GALNT17: variants seen among roughly 807,000 people sequenced by gnomAD.
GALNT17 encodes the protein UDP-GalNAc:polypeptide N-acetylgalactosaminyltransferase-like 3.
Under a neutral mutation model 63.7 loss-of-function variants are expected in GALNT17, and 29 were observed. The observed-to-expected ratio is 0.46, with a 90% CI of 0.34 to 0.62. The LOEUF (loss-of-function observed/expected upper bound fraction) is 0.62, where lower values mean the gene tolerates loss of function less well. Among genes scored for constraint, GALNT17 ranks in the 20% least tolerant of loss-of-function variants. The pLI is 0.01. For synonymous variants in GALNT17, 305 were observed against 318.3 expected (o/e 0.96, Z 0.45); for missense variants, 603 against 799.6 (o/e 0.75, Z 2.97).
chr7:71,388,866 T>C lies in GALNT17; in HGVS notation c.589+465T>C, dbSNP rs184932973. On this transcript the variant is annotated intron_variant, in intron 3 of 10. Transcript: ENST00000333538. ...AGGAAGATATCTAGGCTTACCCTAGTCTATTATTCCTTGAGTCCTCTAGAG... is the reference window on the plus strand; with the variant it reads ...AGGAAGATATCTAGGCTTACCCTAGCCTATTATTCCTTGAGTCCTCTAGAG... Among the ~76,000 whole-genome samples the C allele has an allele frequency of 3.0e-4, 46 of 152,142 alleles. 4 individuals carry two copies. Among genetic ancestry groups the C allele is most frequent in the East Asian group, 2.9e-3 (15 of 5,152 alleles).
At chr7:71,255,200 C>T (rs983683293) in intron 1 of GALNT17, among the ~76,000 whole-genome samples, 4 of 152,206 alleles carry the variant, frequency 2.6e-5, no homozygotes, top group Non-Finnish European at 4.4e-5. Context: ...CCCACAATTC[C>T]CACATGTCTT....
chr7:71,680,854 T>C, intron 9 of GALNT17, among the ~76,000 whole-genome samples: 1 of 148,742 alleles, frequency 6.7e-6, no homozygotes, highest in African/African-American at 2.5e-5. Flanking sequence ...TCCTTTCCTT[T>C]TTTCTTTCCT....
At chr7:71,650,868 G>A (rs1451205421) in intron 6 of GALNT17, among the ~76,000 whole-genome samples, 1 of 152,104 alleles carries the variant, frequency 6.6e-6, no homozygotes, top group African/African-American at 2.4e-5. Context: ...TAAGCTCTGA[G>A]GAAAGAATAA....
intron 9 of GALNT17, among the ~76,000 whole-genome samples, chr7:71,688,075 A>G (rs1219771756): frequency 6.6e-6 from 1 of 152,212 alleles, no homozygotes; most frequent in Non-Finnish European, 1.5e-5. Flanking sequence ...GGAAATGCTG[A>G]TGGTGTTCTA....
At chr7:71,302,852 A>G (rs75623016) in intron 1 of GALNT17, among the ~76,000 whole-genome samples, 2,179 of 152,240 alleles carry the variant, frequency 0.014, 25 homozygotes, top group Middle Eastern at 0.027. Flanking sequence ...GGATTAGGCG[A>G]GTCATATATG....
chr7:71,580,372 TAGA>T (rs1313477437), intron 6 of GALNT17, among the ~76,000 whole-genome samples: 3 of 150,138 alleles, frequency 2.0e-5, no homozygotes, highest in Admixed American at 1.3e-4. Context: ...GATATATAAA[TAGA>T]TGATAGATAA....
intron 3 of GALNT17, among the ~76,000 whole-genome samples, chr7:71,412,208 G>A (rs1793441386): frequency 6.6e-6 from 1 of 152,182 alleles, no homozygotes; most frequent in African/African-American, 2.4e-5. Flanking sequence ...GGGAGGCTGA[G>A]GCAGGAGGAT....
At chr7:71,339,216 GA>G (rs1791965230) in intron 2 of GALNT17, among the ~76,000 whole-genome samples, 1 of 152,218 alleles carries the variant, frequency 6.6e-6, no homozygotes, top group Admixed American at 6.5e-5. Flanking sequence ...TAGACACTTG[GA>G]TGAAGCACAG....
At chr7:71,711,534 T>C (rs952880639) in intron 10 of GALNT17, among the ~76,000 whole-genome samples, 10 of 151,188 alleles carry the variant, frequency 6.6e-5, no homozygotes, top group Non-Finnish European at 8.9e-5. Context: ...TCTCCCTCTC[T>C]CCCTCTGTCT....
chr7:71,653,085 G>A (rs909055669), intron 6 of GALNT17, among the ~76,000 whole-genome samples: 1 of 152,000 alleles, frequency 6.6e-6, no homozygotes, highest in African/African-American at 2.4e-5. Flanking sequence ...GCACAATCTC[G>A]GCTCACTGCA....
At chr7:71,707,297 ATTAAT>A (rs1371872799) in intron 9 of GALNT17, among the ~76,000 whole-genome samples, 1 of 152,192 alleles carries the variant, frequency 6.6e-6, no homozygotes, top group Non-Finnish European at 1.5e-5. Flanking sequence ...AAGGAAGGAA[ATTAAT>A]TAGGCACAGC....
intron 1 of GALNT17, among the ~76,000 whole-genome samples, chr7:71,217,389 T>G (rs866259702): frequency 1.4e-4 from 21 of 152,262 alleles, no homozygotes; most frequent in Admixed American, 5.2e-4. Flanking sequence ...CCTAGATGTG[T>G]TTAGTTTTCA....
chr7:71,696,113 T>G (rs78723094), intron 9 of GALNT17, among the ~76,000 whole-genome samples: 2,964 of 152,250 alleles, frequency 0.019, 110 homozygotes, highest in African/African-American at 0.067. Flanking sequence ...GAACTTTTCT[T>G]TTTTGGTGTT....
At chr7:71,650,660 T>C (rs1342076016) in intron 6 of GALNT17, among the ~76,000 whole-genome samples, 1 of 152,212 alleles carries the variant, frequency 6.6e-6, no homozygotes, top group Non-Finnish European at 1.5e-5. Flanking sequence ...TATTCTTTTA[T>C]AGTTAAACAT....
At chr7:71,625,705 C>T (rs1359416095) in intron 6 of GALNT17, among the ~76,000 whole-genome samples, 1 of 152,072 alleles carries the variant, frequency 6.6e-6, no homozygotes, top group Non-Finnish European at 1.5e-5. Context: ...GTTTATGAAA[C>T]ACATGACTTC....
chr7:71,490,834 AGGCAGCAGTGAGCTAT>A (rs1186559258), intron 5 of GALNT17, among the ~76,000 whole-genome samples: 3 of 152,178 alleles, frequency 2.0e-5, no homozygotes, highest in African/African-American at 7.2e-5. Flanking sequence ...CAGGAGTTCG[AGGCAGCAGTGAGCTAT>A]GATCGCACCA....
At chr7:71,556,070 C>T (rs1031755097) in intron 5 of GALNT17, among the ~76,000 whole-genome samples, 1 of 152,172 alleles carries the variant, frequency 6.6e-6, no homozygotes, top group African/African-American at 2.4e-5. Context: ...TAGAAAAAGC[C>T]CATTCATAAG....
At chr7:71,639,546 G>A (rs1413190992) in intron 6 of GALNT17, among the ~76,000 whole-genome samples, 9 of 152,248 alleles carry the variant, frequency 5.9e-5, no homozygotes, top group African/African-American at 1.9e-4. Flanking sequence ...GGGAGGGCTC[G>A]CCTCCAGGGA....
chr7:71,309,166 G>A (rs1335905391), intron 1 of GALNT17, among the ~76,000 whole-genome samples: 4 of 151,732 alleles, frequency 2.6e-5, no homozygotes, highest in Non-Finnish European at 5.9e-5. Flanking sequence ...TCCAACTCTT[G>A]TCAGTCATTT....
Sources: gnomAD v4.1 joint callset for allele counts (sites outside exome capture counted in the v4.1 genomes callset) on GRCh38, gnomAD v4.1.1 for gene constraint, MANE v1.5 for transcripts, NCBI Gene and HGNC (gene_info 2026-07-23, HGNC 2026-07-21) for gene names.